Variants in CIB4 observed in about 807,000 individuals in gnomAD.
CIB4 encodes the protein calcium and integrin binding family member 4.
A neutral mutation model predicts 25.8 loss-of-function variants in CIB4; 25 were observed. That is an observed-to-expected ratio of 0.97 (90% CI 0.71 to 1.35). The LOEUF (loss-of-function observed/expected upper bound fraction) is 1.35. CIB4 is among the 40% of genes most tolerant of loss of function. CIB4 has a pLI of 0.00. For missense variants in CIB4, 235 were observed against 228.2 expected, an observed-to-expected ratio of 1.03 and a Z score of -0.19; for synonymous variants, 75 against 81.4, an observed-to-expected ratio of 0.92 and a Z score of 0.42.
chr2:26,586,802 G>A (rs1217396937), intron 4 of CIB4, among the ~76,000 whole-genome samples: 1 of 152,182 alleles, frequency 6.6e-6, no homozygotes, highest in Admixed American at 6.5e-5. Flanking sequence ...ACATTTGCCA[G>A]CCTCCGTTGC....
At chr2:26,600,829 T>C (rs1223107565) in intron 3 of CIB4, among the ~76,000 whole-genome samples, 1 of 152,198 alleles carries the variant, frequency 6.6e-6, no homozygotes, top group Non-Finnish European at 1.5e-5. Flanking sequence ...CAGTCCATTT[T>C]GCAGGACTTG....
chr2:26,583,142 G>C (rs1486013694), intron 5 of CIB4, among the ~76,000 whole-genome samples: 1 of 152,176 alleles, frequency 6.6e-6, no homozygotes, highest in East Asian at 1.9e-4. Context: ...GAGCCTGGCA[G>C]TGAGAGAACA....
intron 3 of CIB4, among the ~76,000 whole-genome samples, chr2:26,597,800 C>T (rs185807000): frequency 1.3e-4 from 20 of 151,820 alleles, no homozygotes; most frequent in Admixed American, 1.0e-3. Context: ...GCTCATCTCA[C>T]GGATGTGGAA....
intron 4 of CIB4, among the ~76,000 whole-genome samples, chr2:26,585,225 G>A (rs11689447): frequency 0.072 from 10,932 of 152,152 alleles, 516 homozygotes; most frequent in Middle Eastern, 0.14. Flanking sequence ...GGCAGAGACC[G>A]AGGCACCCTG....
At chr2:26,583,948 G>A (rs774408424) in intron 4 of CIB4, 50 bp from the exon 5 acceptor site, 1 of 1,236,762 alleles carries the variant, frequency 8.1e-7, no homozygotes, top group East Asian at 2.3e-5. Flanking sequence ...GGGCTAAACA[G>A]GAAGAGGACT....
chr2:26,589,106 T>C (rs1311422264), intron 4 of CIB4, among the ~76,000 whole-genome samples: 2 of 90,698 alleles, frequency 2.2e-5, no homozygotes, highest in Non-Finnish European at 4.4e-5. Context: ...TTCTTCTTCT[T>C]CCTCTTCTTC....
At position 26,589,011 on chromosome 2, in the gene CIB4, C is replaced by A. The variant is rs1422808360; in HGVS notation, c.329-5113G>T. 9.9e-5 allele frequency among the ~76,000 whole-genome samples: 2 copies of A among 20,114 alleles called. 1 individual carries two copies. The highest frequency in any genetic ancestry group is 3.8e-4 in the African/African-American group (2 of 5,234). 13.2% of individuals were successfully genotyped at this position (20,114 alleles called of 152,430 possible). A position where few individuals can be genotyped will look rare whatever the true frequency, so the allele number is the denominator to read the frequency against. On this transcript the variant is annotated intron_variant, in intron 4 of 6. Transcript: ENST00000288861. Reference sequence around the variant, plus strand: ...TCTTCTTCTTCTTCTTCTTCTTCTTCTTCTTCTTCTTCTTCTTCTTCTTCT... The same window carrying A: ...TCTTCTTCTTCTTCTTCTTCTTCTTATTCTTCTTCTTCTTCTTCTTCTTCT...
At chr2:26,625,536 G>A (rs1448098284) in intron 3 of CIB4, among the ~76,000 whole-genome samples, 1 of 152,088 alleles carries the variant, frequency 6.6e-6, no homozygotes, top group East Asian at 1.9e-4. Flanking sequence ...ATTTTTAGTA[G>A]AGACGGGGTT....
At chr2:26,606,397 C>A (rs1240213156) in intron 3 of CIB4, among the ~76,000 whole-genome samples, 1 of 152,094 alleles carries the variant, frequency 6.6e-6, no homozygotes, top group Non-Finnish European at 1.5e-5. Flanking sequence ...GGAGCAAAGC[C>A]GAGGCCAAAT....
chr2:26,600,089 A>C (rs2148201378), intron 3 of CIB4, among the ~76,000 whole-genome samples: 1 of 138,976 alleles, frequency 7.2e-6, no homozygotes, highest in Non-Finnish European at 1.5e-5. Flanking sequence ...AAAAAAAAAG[A>C]TATGATTAAT....
chr2:26,604,740 A>T lies in CIB4; in HGVS notation c.187-9423T>A, dbSNP rs1479096106. Among the ~76,000 whole-genome samples, 3 of 152,224 alleles carry T rather than the reference A, an allele frequency of 2.0e-5. No individual in the cohort carries two copies. In the East Asian group the frequency reaches 5.8e-4, roughly 29 times the overall value. On this transcript the variant is annotated intron_variant, in intron 3 of 6. Transcript: ENST00000288861. ...CCTGTTTCTGCACAAAGGAATGAAG[A>T]ATATTAGAAATCATAAGTAGGTGAG...
intron 4 of CIB4, among the ~76,000 whole-genome samples, chr2:26,584,324 A>G (rs1668410077): frequency 1.3e-5 from 2 of 152,034 alleles, no homozygotes; most frequent in Admixed American, 6.5e-5. Flanking sequence ...CCATCTCACA[A>G]TTCAGAAGCC....
chr2:26,603,374 T>C (rs992641356), intron 3 of CIB4, among the ~76,000 whole-genome samples: 5 of 152,208 alleles, frequency 3.3e-5, no homozygotes, highest in Admixed American at 3.3e-4. Context: ...AATTTTTATT[T>C]CTTAGTTTTG....
intron 2 of CIB4, among the ~76,000 whole-genome samples, chr2:26,631,424 T>A (rs1669418436): frequency 6.6e-6 from 1 of 152,130 alleles, no homozygotes; most frequent in Non-Finnish European, 1.5e-5. Flanking sequence ...CAGCGAGCTG[T>A]GATCGCACTA....
intron 3 of CIB4, among the ~76,000 whole-genome samples, chr2:26,612,059 G>C (rs914679409): frequency 2.6e-5 from 4 of 152,184 alleles, no homozygotes; most frequent in African/African-American, 9.7e-5. Context: ...AAAAAAGAAA[G>C]TGCACTCCAG....
rs1668656373 is a variant in CIB4, at chr2:26,595,164, C to T, written c.328+12G>A. 1 of 1,603,766 alleles carries T rather than the reference C, an allele frequency of 6.2e-7. No individual in the cohort carries two copies. Among genetic ancestry groups the T allele is most frequent in the Non-Finnish European group, 8.5e-7 (1 of 1,171,422 alleles). On this transcript the variant is annotated intron_variant, in intron 4 of 6. Transcript: ENST00000288861. ...TTCCACCCCTCACCCCTCAGTCCCC[C>T]ACAGCACCTACCATAGATGCGAAAG...
At chr2:26,636,209 GAATA>G (rs1202033716) in intron 2 of CIB4, among the ~76,000 whole-genome samples, 3 of 152,020 alleles carry the variant, frequency 2.0e-5, no homozygotes, top group Non-Finnish European at 4.4e-5. Flanking sequence ...TTTCCTGAAT[GAATA>G]TTCAGTGTTT....
chr2:26,629,197 G>C (rs566781502), intron 3 of CIB4, among the ~76,000 whole-genome samples: 2 of 152,168 alleles, frequency 1.3e-5, no homozygotes, highest in Admixed American at 1.3e-4. Flanking sequence ...CTCTAGGACC[G>C]AGGTGAGGAT....
chr2:26,634,476 T>G (rs1232546572), intron 2 of CIB4, among the ~76,000 whole-genome samples: 1 of 152,266 alleles, frequency 6.6e-6, no homozygotes. Context: ...TAATCGGTGC[T>G]GACCCATGTG....
Sources: gnomAD v4.1 joint callset for allele counts (sites outside exome capture counted in the v4.1 genomes callset) on GRCh38, gnomAD v4.1.1 for gene constraint, MANE v1.5 for transcripts, NCBI Gene and HGNC (gene_info 2026-07-23, HGNC 2026-07-21) for gene names.